ARMC9: variants seen among roughly 807,000 people sequenced by gnomAD.
The protein encoded by ARMC9 is armadillo repeat containing 9, also known as lisH domain-containing protein ARMC9.
In ARMC9, 94 loss-of-function variants were observed where a neutral mutation model predicts 107.0. The observed-to-expected ratio is 0.88, with a 90% CI of 0.74 to 1.04. The LOEUF (loss-of-function observed/expected upper bound fraction) is 1.04, where lower values mean the gene tolerates loss of function less well. Among genes scored for constraint, ARMC9 ranks in the 50% least tolerant of loss-of-function variants. The pLI, the probability that ARMC9 is intolerant of heterozygous loss-of-function variation, is 0.00. For synonymous variants in ARMC9, 380 were observed against 396.9 expected (o/e 0.96, Z 0.51); for missense variants, 942 against 1,030.1 (o/e 0.91, Z 1.17).
intron 7 of ARMC9, among the ~76,000 whole-genome samples, chr2:231,230,206 A>G (rs1336474240): frequency 6.6e-6 from 1 of 151,434 alleles, no homozygotes; most frequent in Non-Finnish European, 1.5e-5. Context: ...TATAAAAACT[A>G]AAAAAAATTA....
chr2:231,310,056 T>G (rs912251967), intron 19 of ARMC9, among the ~76,000 whole-genome samples: 3 of 152,056 alleles, frequency 2.0e-5, no homozygotes, highest in Non-Finnish European at 4.4e-5. Flanking sequence ...TTTAGTGGAG[T>G]GACGAGGACT....
Position 231,262,398 on chromosome 2 carries a change from G to A in ARMC9, c.1119G>A (p.Gln373=). ...NDLLDCYSHN[Q]RSVLQLLHST... is the part of the protein sequence containing the mutation. ...TCTTGGACTGTTATAGCCACAACCA[G>A]GTTGGTAAGAGGTGGGGCCAGATCC... The change falls in exon 12 of 25, where the codon CAG becomes CAA. Residue 373 remains glutamine, a splice_region_variant and synonymous_variant. Transcript: ENST00000611582. 3.7e-6 allele frequency: 6 copies of A among 1,613,950 alleles called. No homozygotes were observed. Among genetic ancestry groups the A allele is most frequent in the Non-Finnish European group, 5.1e-6 (6 of 1,179,832 alleles).
At chr2:231,300,102 A>T (rs1176049448) in intron 19 of ARMC9, among the ~76,000 whole-genome samples, 1 of 152,230 alleles carries the variant, frequency 6.6e-6, no homozygotes, top group Non-Finnish European at 1.5e-5. Context: ...TATCACAGCC[A>T]GTTTCCTTGT....
intron 17 of ARMC9, among the ~76,000 whole-genome samples, chr2:231,287,416 A>G (rs951448545): frequency 6.6e-6 from 1 of 152,198 alleles, no homozygotes; most frequent in African/African-American, 2.4e-5. Context: ...TGCCTTGGGA[A>G]ATTAACAGTG....
chr2:231,208,866 C>T (rs906235187), intron 3 of ARMC9, among the ~76,000 whole-genome samples: 5 of 152,028 alleles, frequency 3.3e-5, no homozygotes, highest in African/African-American at 1.2e-4. Flanking sequence ...CCCAGGAGTT[C>T]AAGACCAGCC....
intron 21 of ARMC9, among the ~76,000 whole-genome samples, chr2:231,352,666 GATA>G (rs1206025959): frequency 3.9e-4 from 3 of 7,670 alleles, no homozygotes; most frequent in South Asian, 2.6e-3. Context: ...TCACAGGATA[GATA>G]GATAGATAGA....
intron 19 of ARMC9, among the ~76,000 whole-genome samples, chr2:231,302,450 T>G (rs867773645): frequency 0.028 from 4,064 of 143,390 alleles, 136 homozygotes; most frequent in African/African-American, 0.099. Context: ...TTTTTTTTTT[T>G]TTTTTTTTTT....
chr2:231,313,861 C>G (rs1312641309), intron 19 of ARMC9, among the ~76,000 whole-genome samples: 1 of 151,260 alleles, frequency 6.6e-6, no homozygotes, highest in Non-Finnish European at 1.5e-5. Flanking sequence ...CTCAAGGGAT[C>G]CTACCACCTC....
chr2:231,291,482 T>G, intron 18 of ARMC9, 39 bp downstream of exon 18: 1 of 1,581,780 alleles, frequency 6.3e-7, no homozygotes, highest in South Asian at 1.1e-5. Context: ...ATCTTTTGAA[T>G]TATTCACATT....
intron 7 of ARMC9, among the ~76,000 whole-genome samples, chr2:231,229,261 A>T (rs2034977425): frequency 6.6e-6 from 1 of 152,182 alleles, no homozygotes; most frequent in African/African-American, 2.4e-5. Context: ...CTAAGGCTGT[A>T]ATAACCAAAG....
At chr2:231,302,831 C>T (rs2041836301) in intron 19 of ARMC9, among the ~76,000 whole-genome samples, 1 of 152,030 alleles carries the variant, frequency 6.6e-6, no homozygotes. Context: ...TGGTGAAACC[C>T]TGTCTCTACC....
At chr2:231,261,820 A>G (rs1574848236) in intron 11 of ARMC9, among the ~76,000 whole-genome samples, 2 of 148,832 alleles carry the variant, frequency 1.3e-5, no homozygotes, top group Non-Finnish European at 1.5e-5. Context: ...TTAGGACATC[A>G]CAGGTTCTTT....
intron 10 of ARMC9, among the ~76,000 whole-genome samples, chr2:231,258,571 G>A (rs1341291169): frequency 6.6e-6 from 1 of 152,132 alleles, no homozygotes; most frequent in Non-Finnish European, 1.5e-5. Flanking sequence ...AGTGGCTTCA[G>A]GTGTTTAGGT....
At chr2:231,282,808 T>G (rs536811587) in intron 17 of ARMC9, among the ~76,000 whole-genome samples, 1 of 152,338 alleles carries the variant, frequency 6.6e-6, no homozygotes, top group South Asian at 2.1e-4. Context: ...GAGACCAAAC[T>G]TATTTAAGAA....
intron 10 of ARMC9, among the ~76,000 whole-genome samples, chr2:231,257,225 C>T (rs898886688): frequency 1.3e-5 from 2 of 152,230 alleles, no homozygotes; most frequent in Non-Finnish European, 2.9e-5. Flanking sequence ...TATCATAGTG[C>T]AATCCACAGA....
chr2:231,347,719 C>G (rs1304995729), intron 21 of ARMC9, among the ~76,000 whole-genome samples: 2 of 152,224 alleles, frequency 1.3e-5, no homozygotes, highest in Non-Finnish European at 2.9e-5. Flanking sequence ...TATATCCCCT[C>G]CAGTCACCCT....
At chr2:231,236,944 A>T (rs544342122) in intron 8 of ARMC9, among the ~76,000 whole-genome samples, 5 of 152,284 alleles carry the variant, frequency 3.3e-5, no homozygotes, top group East Asian at 1.9e-4. Flanking sequence ...TCAAATAAAT[A>T]AATTTAATTT....
intron 2 of ARMC9, 23 bp from the exon 3 acceptor site, chr2:231,208,104 A>G: frequency 1.9e-6 from 2 of 1,053,082 alleles, no homozygotes; most frequent in Non-Finnish European, 2.8e-6. Flanking sequence ...TTGCTGTTGA[A>G]TTGAATTATT....
chr2:231,244,014 C>T (rs1342950504), intron 9 of ARMC9, among the ~76,000 whole-genome samples: 8 of 152,162 alleles, frequency 5.3e-5, no homozygotes, highest in Non-Finnish European at 8.8e-5. Flanking sequence ...CACAGATCAG[C>T]GTCCTTCATA....
Sources: gnomAD v4.1 joint callset for allele counts (sites outside exome capture counted in the v4.1 genomes callset) on GRCh38, gnomAD v4.1.1 for gene constraint, MANE v1.5 for transcripts, NCBI Gene and HGNC (gene_info 2026-07-23, HGNC 2026-07-21) for gene names.